AIDA: variants seen among roughly 807,000 people sequenced by gnomAD.
AIDA encodes axin interactor, dorsalization associated, also known as axin interactor, dorsalization-associated protein.
AIDA carries 18 observed loss-of-function variants against 42.7 expected under a neutral mutation model. The ratio of observed to expected loss-of-function variants is 0.42; its 90% CI spans 0.29 to 0.63. The LOEUF (loss-of-function observed/expected upper bound fraction) is 0.63. Among genes scored for constraint, AIDA ranks in the 20% least tolerant of loss-of-function variants. The probability of loss-of-function intolerance (pLI) is 0.19; values close to 1 mark genes in which losing one functional copy is unlikely to be tolerated. For missense variants in AIDA, 250 were observed against 354.1 expected, an observed-to-expected ratio of 0.71 and a Z score of 2.36; for synonymous variants, 104 against 122.9, an observed-to-expected ratio of 0.85 and a Z score of 1.02.
chr1:222,708,492 C>G (rs910794735), intron 1 of AIDA, among the ~76,000 whole-genome samples: 9 of 151,846 alleles, frequency 5.9e-5, no homozygotes, highest in Non-Finnish European at 8.8e-5. Context: ...CTCAGCCTCC[C>G]GAGCAGCTGG....
At chr1:222,705,469 C>T (rs1003530097) in intron 1 of AIDA, among the ~76,000 whole-genome samples, 3 of 152,184 alleles carry the variant, frequency 2.0e-5, no homozygotes, top group Non-Finnish European at 4.4e-5. Flanking sequence ...ACATAATTTG[C>T]AGTGGTGGCC....
chr1:222,670,066 G>A (rs1664417640), intron 9 of AIDA, 67 bp downstream of exon 9: 6 of 1,607,360 alleles, frequency 3.7e-6, no homozygotes, highest in Middle Eastern at 1.6e-4. Flanking sequence ...CTGGATATGG[G>A]GGATTCAGAA....
At chr1:222,701,125 C>T (rs1477863037) in intron 2 of AIDA, among the ~76,000 whole-genome samples, 1 of 151,816 alleles carries the variant, frequency 6.6e-6, no homozygotes, top group Non-Finnish European at 1.5e-5. Flanking sequence ...ACCACGCCTA[C>T]CTAATTTTTG....
chr1:222,678,952 A>G (rs979111565), intron 6 of AIDA, among the ~76,000 whole-genome samples: 3 of 152,194 alleles, frequency 2.0e-5, no homozygotes, highest in Admixed American at 6.5e-5. Context: ...CATGGTGAGC[A>G]TCCTGAAAGA....
At chr1:222,706,400 G>A (rs942176917) in intron 1 of AIDA, among the ~76,000 whole-genome samples, 2 of 151,820 alleles carry the variant, frequency 1.3e-5, no homozygotes, top group African/African-American at 4.8e-5. Context: ...ACTAGTAACA[G>A]TCCAAAAGTA....
intron 8 of AIDA, 83 bp downstream of exon 8, chr1:222,673,230 A>C: frequency 7.7e-7 from 1 of 1,302,680 alleles, no homozygotes; most frequent in South Asian, 1.8e-5. Context: ...GATACTAACT[A>C]TGCTAGGTCC....
chr1:222,688,636 G>A (rs1022802150), intron 4 of AIDA, among the ~76,000 whole-genome samples: 4 of 149,572 alleles, frequency 2.7e-5, no homozygotes, highest in African/African-American at 9.9e-5. Flanking sequence ...GTCTCGCTCC[G>A]TTGCCCAGGC....
In AIDA at chr1:222,712,446, C is replaced by G; in HGVS notation, c.-129G>C. The G allele has an allele frequency of 6.3e-6, 9 of 1,437,142 alleles. No homozygotes were observed. Among genetic ancestry groups the G allele is most frequent in the Non-Finnish European group, 8.2e-6 (9 of 1,096,784 alleles). 89.0% of individuals were successfully genotyped at this position (1,437,142 alleles called of 1,614,324 possible). A position where few individuals can be genotyped will look rare whatever the true frequency, so the allele number is the denominator to read the frequency against. ...AACCGCTACGGCCACCACCGCCACC[C>G]GCCGAGGAGCCGCCCAAGCCCATTT... On this transcript the variant is annotated 5_prime_UTR_variant, in exon 1 of 10. Transcript: ENST00000340020.
intron 1 of AIDA, among the ~76,000 whole-genome samples, chr1:222,709,658 G>C (rs1429587552): frequency 2.0e-5 from 3 of 152,010 alleles, no homozygotes; most frequent in African/African-American, 7.3e-5. Context: ...GACCCAAACA[G>C]ATAATGGGGG....
chr1:222,709,488 GGAAAAAAAT>G (rs549633879), intron 1 of AIDA, among the ~76,000 whole-genome samples: 56 of 152,256 alleles, frequency 3.7e-4, no homozygotes, highest in African/African-American at 1.2e-3. Context: ...TAAGTACCAT[GGAAAAAAAT>G]GAAAAAAATG....
rs575396145 is a variant in AIDA at position 222,708,391 on chromosome 1, C to T, written c.110+3817G>A. On this transcript the variant is annotated intron_variant, in intron 1 of 9. Coordinates refer to ENST00000340020, the MANE Select transcript of AIDA (RefSeq NM_022831.4). ...CAGATATTTATTGGTTTTTTTAAGACGAGTCTCACTCCGTCACCCAGGCTG... is the reference window on the plus strand; with the variant it reads ...CAGATATTTATTGGTTTTTTTAAGATGAGTCTCACTCCGTCACCCAGGCTG... Among the ~76,000 whole-genome samples the T allele has an allele frequency of 4.6e-5, 7 of 150,852 alleles. No individual in the cohort carries two copies. In the East Asian group the frequency reaches 5.9e-4, roughly 13 times the overall value.
At chr1:222,674,765 T>C (rs1263561882) in intron 7 of AIDA, among the ~76,000 whole-genome samples, 1 of 152,210 alleles carries the variant, frequency 6.6e-6, no homozygotes, top group Non-Finnish European at 1.5e-5. Context: ...ACTACTCAAG[T>C]GTTTATGTAT....
intron 2 of AIDA, among the ~76,000 whole-genome samples, chr1:222,699,803 G>A (rs1300600160): frequency 3.4e-5 from 5 of 148,266 alleles, no homozygotes; most frequent in Non-Finnish European, 4.4e-5. Flanking sequence ...GACAAGTCTC[G>A]CTCTGTCGCC....
At chr1:222,688,054 C>A (rs959920983) in intron 4 of AIDA, among the ~76,000 whole-genome samples, 1 of 151,940 alleles carries the variant, frequency 6.6e-6, no homozygotes, top group African/African-American at 2.4e-5. Context: ...CCTATCTCTA[C>A]AAAATAAAAA....
intron 4 of AIDA, among the ~76,000 whole-genome samples, chr1:222,688,543 TTAC>T (rs763064888): frequency 1.3e-5 from 2 of 152,148 alleles, no homozygotes; most frequent in African/African-American, 4.8e-5. Context: ...CTTACTGTAC[TTAC>T]TACATTTTTT....
At chr1:222,712,016 C>T (rs984354490) in intron 1 of AIDA, 192 bp downstream of exon 1, 1 of 748,024 alleles carries the variant, frequency 1.3e-6, no homozygotes, top group East Asian at 3.0e-5. Flanking sequence ...GCGAGTCACC[C>T]CAGAGAGCGG....
At chr1:222,679,841 T>C (rs952310050) in intron 6 of AIDA, among the ~76,000 whole-genome samples, 5 of 152,178 alleles carry the variant, frequency 3.3e-5, no homozygotes, top group Admixed American at 1.3e-4. Context: ...GTAAGAAACA[T>C]ATGCACAGAT....
chr1:222,676,580 T>C (rs1664547640), intron 6 of AIDA, among the ~76,000 whole-genome samples: 1 of 152,306 alleles, frequency 6.6e-6, no homozygotes, highest in South Asian at 2.1e-4. Context: ...TATGAAGTGG[T>C]AGAAGAAAAA....
intron 2 of AIDA, among the ~76,000 whole-genome samples, chr1:222,697,440 T>C (rs1481299226): frequency 6.6e-6 from 1 of 150,816 alleles, no homozygotes; most frequent in African/African-American, 2.4e-5. Flanking sequence ...TGTAATTGTT[T>C]CACTTTTCTT....
Sources: allele counts gnomAD v4.1 joint callset (sites outside exome capture counted in the v4.1 genomes callset), GRCh38; gene constraint gnomAD v4.1.1; transcripts MANE v1.5; gene names NCBI Gene and HGNC (gene_info 2026-07-23, HGNC 2026-07-21).